The following CDC42BPA variants were observed in gnomAD, a reference collection of about 807,000 sequenced individuals.
CDC42BPA encodes the protein serine/threonine-protein kinase MRCK alpha.
In CDC42BPA, 80 loss-of-function variants were observed where a neutral mutation model predicts 223.5. The ratio of observed to expected loss-of-function variants is 0.36; its 90% CI spans 0.30 to 0.43. The LOEUF is 0.43. CDC42BPA is among the 20% of genes least tolerant of loss of function. CDC42BPA has a pLI of 1.00. For synonymous variants in CDC42BPA, 694 were observed against 718.6 expected, an observed-to-expected ratio of 0.97 and a Z score of 0.55; for missense variants, 1,743 against 2,099.9, an observed-to-expected ratio of 0.83 and a Z score of 3.32.
At chr1:227,279,067 C>T (rs2148550224) in intron 1 of CDC42BPA, among the ~76,000 whole-genome samples, 1 of 150,656 alleles carries the variant, frequency 6.6e-6, no homozygotes, top group African/African-American at 2.4e-5. Context: ...GTGTTTTGTG[C>T]AGAAGGTATT....
At chr1:227,208,957 T>A (rs1673353954) in intron 3 of CDC42BPA, among the ~76,000 whole-genome samples, 1 of 152,128 alleles carries the variant, frequency 6.6e-6, no homozygotes. Context: ...AGTATGGCCA[T>A]TTTCACGATA....
intron 2 of CDC42BPA, among the ~76,000 whole-genome samples, chr1:227,244,033 C>G (rs1375671239): frequency 2.0e-5 from 3 of 151,076 alleles, no homozygotes; most frequent in African/African-American, 7.3e-5. Flanking sequence ...AAAAAAAAGA[C>G]CCATGTTAGC....
chr1:227,072,559 T>C (rs1678612760), intron 19 of CDC42BPA, among the ~76,000 whole-genome samples: 1 of 152,004 alleles, frequency 6.6e-6, no homozygotes, highest in Admixed American at 6.6e-5. Context: ...TGAGAAGCTG[T>C]GATGGAAGCT....
At chr1:226,998,805 T>C (rs926501804) in intron 35 of CDC42BPA, among the ~76,000 whole-genome samples, 5 of 152,072 alleles carry the variant, frequency 3.3e-5, no homozygotes, top group African/African-American at 1.2e-4. Flanking sequence ...GGGATCTAAT[T>C]AAACTAAAGA....
intron 2 of CDC42BPA, among the ~76,000 whole-genome samples, chr1:227,226,558 T>C (rs1390068385): frequency 1.3e-5 from 2 of 152,186 alleles, no homozygotes; most frequent in African/African-American, 2.4e-5. Context: ...CAGGAAAGAT[T>C]TGAAGTTCTC....
chr1:227,076,873 C>T (rs1679597246), intron 17 of CDC42BPA, among the ~76,000 whole-genome samples: 1 of 152,092 alleles, frequency 6.6e-6, no homozygotes, highest in Non-Finnish European at 1.5e-5. Context: ...ACACTCCATA[C>T]GTGTAATTGC....
intron 1 of CDC42BPA, among the ~76,000 whole-genome samples, chr1:227,295,156 A>G (rs1240775923): frequency 1.3e-5 from 2 of 152,130 alleles, no homozygotes; most frequent in Non-Finnish European, 1.5e-5. Flanking sequence ...AATTCACAAT[A>G]CATATATATG....
At chr1:227,163,604 G>C (rs10799397) in intron 5 of CDC42BPA, among the ~76,000 whole-genome samples, 31,222 of 151,726 alleles carry the variant, frequency 0.21, 3,319 homozygotes, top group East Asian at 0.26. Flanking sequence ...AATTGTGTGT[G>C]CACTGTTTTT....
intron 5 of CDC42BPA, among the ~76,000 whole-genome samples, chr1:227,168,662 AT>A (rs998553868): frequency 2.0e-5 from 3 of 150,800 alleles, no homozygotes; most frequent in African/African-American, 7.3e-5. Flanking sequence ...CGTCCGGCTA[AT>A]TTTTTTTGTA....
chr1:227,104,538 T>C (rs1020175508), intron 14 of CDC42BPA, among the ~76,000 whole-genome samples: 6 of 152,170 alleles, frequency 3.9e-5, no homozygotes, highest in Non-Finnish European at 5.9e-5. Flanking sequence ...AAAATGCTTA[T>C]TACACTATTA....
intron 21 of CDC42BPA, among the ~76,000 whole-genome samples, chr1:227,055,923 T>C (rs929783036): frequency 6.6e-6 from 1 of 152,080 alleles, no homozygotes; most frequent in African/African-American, 2.4e-5. Flanking sequence ...AAGCTGAATA[T>C]TAGTGGTACT....
Position 226,994,225 on chromosome 1 carries a change from G to C in CDC42BPA, c.*43C>G. 1 of 1,543,510 alleles carries C rather than the reference G, an allele frequency of 6.5e-7. No individual in the cohort carries two copies. Among genetic ancestry groups the C allele is most frequent in the Non-Finnish European group, 8.8e-7 (1 of 1,141,216 alleles). ...AAGAGATGAAAGTGAGAGGAGGCGAGTGGCAGGGAGCGGAGAGCGAGAGGT... is the reference window on the plus strand; with the variant it reads ...AAGAGATGAAAGTGAGAGGAGGCGACTGGCAGGGAGCGGAGAGCGAGAGGT... On this transcript the variant is annotated 3_prime_UTR_variant, in exon 37 of 37. Coordinates refer to ENST00000366766, the MANE Select transcript of CDC42BPA (RefSeq NM_001394014.1). This position sits in a 1 kb window ranked among gnomAD's most constrained non-coding sequence, Gnocchi z 4.0.
chr1:227,073,367 A>G (rs1035203144), intron 19 of CDC42BPA, among the ~76,000 whole-genome samples: 3 of 152,152 alleles, frequency 2.0e-5, no homozygotes, highest in Non-Finnish European at 4.4e-5. Context: ...TGTGGGATAC[A>G]CTTTTTCTAA....
intron 21 of CDC42BPA, chr1:227,059,441 T>C (rs1675334949): frequency 6.5e-7 from 1 of 1,528,376 alleles, no homozygotes; most frequent in Non-Finnish European, 8.9e-7. Context: ...ATAGGACATG[T>C]TACAAATATT....
chr1:227,048,162 A>T, intron 22 of CDC42BPA, 152 bp from the exon 23 acceptor site: 1 of 462,914 alleles, frequency 2.2e-6, no homozygotes, highest in Non-Finnish European at 3.9e-6. Context: ...ATAAAGCTAA[A>T]ATTCTCATAG....
At chr1:227,212,118 TAA>T (rs1256803335) in intron 3 of CDC42BPA, among the ~76,000 whole-genome samples, 1 of 151,598 alleles carries the variant, frequency 6.6e-6, no homozygotes, top group South Asian at 2.1e-4. Context: ...AAAAAAAAAC[TAA>T]AAGCAAAAAC....
At chr1:227,009,472 A>T (rs548880410) in intron 34 of CDC42BPA, among the ~76,000 whole-genome samples, 2 of 152,310 alleles carry the variant, frequency 1.3e-5, no homozygotes, top group Admixed American at 1.3e-4. Context: ...GCAGTGGTGC[A>T]ATCACGGCTC....
chr1:227,057,084 C>T (rs754297090), intron 21 of CDC42BPA, among the ~76,000 whole-genome samples: 2 of 152,036 alleles, frequency 1.3e-5, no homozygotes, highest in African/African-American at 2.4e-5. Flanking sequence ...AAAGTTAAGC[C>T]ATACGTGGGC....
intron 2 of CDC42BPA, among the ~76,000 whole-genome samples, chr1:227,246,365 C>T (rs866074076): frequency 5.9e-5 from 9 of 151,868 alleles, no homozygotes; most frequent in African/African-American, 2.2e-4. Context: ...TCTCTGGACA[C>T]ACCCGGGGCC....
Sources: allele counts gnomAD v4.1 joint callset (sites outside exome capture counted in the v4.1 genomes callset), GRCh38; gene constraint gnomAD v4.1.1; non-coding constraint Gnocchi (gnomAD v3.1); transcripts MANE v1.5; gene names NCBI Gene and HGNC (gene_info 2026-07-23, HGNC 2026-07-21).